Variants in PRSS53 observed in about 807,000 individuals in gnomAD.
PRSS53 encodes serine protease 53, also known as EDTP308.
PRSS53 carries 54 observed loss-of-function variants against 62.7 expected under a neutral mutation model. That is an observed-to-expected ratio of 0.86 (90% CI 0.69 to 1.08). The LOEUF (loss-of-function observed/expected upper bound fraction) is 1.08, where lower values mean the gene tolerates loss of function less well. Ranked by LOEUF, PRSS53 falls within the 50% of genes least tolerant of loss-of-function variation. PRSS53 has a pLI of 0.00. For synonymous variants in PRSS53, 273 were observed against 300.0 expected, an observed-to-expected ratio of 0.91 and a Z score of 0.93; for missense variants, 688 against 728.3, an observed-to-expected ratio of 0.94 and a Z score of 0.64.
At chr16:31,086,383 C>T (rs1286099426) in exon 5 of PRSS53, 3 of 1,614,026 alleles carry the variant, frequency 1.9e-6, no homozygotes, top group South Asian at 2.2e-5. Flanking sequence ...ACATAGCATC[C>T]CAGGCCGGGC....
intron 3 of PRSS53, 29 bp downstream of exon 3, chr16:31,087,508 G>A: frequency 6.3e-7 from 1 of 1,577,088 alleles, no homozygotes; most frequent in Non-Finnish European, 8.7e-7. Flanking sequence ...CAGAGCCGGA[G>A]ACCCTGCCTG....
chr16:31,086,007 C>T lies in PRSS53; in HGVS notation c.840G>A (p.Gln280=), dbSNP rs1200306582. 5 of 1,613,992 alleles carry T rather than the reference C, an allele frequency of 3.1e-6. No individual in the cohort carries two copies. The African/African-American group carries it at 5.3e-5, about 17-fold the overall frequency. Residue 280 remains glutamine (Q), a synonymous_variant, in exon 6 of 11, where the codon CAG becomes CAA. Transcript: ENST00000280606. The stretch of plus-strand genomic sequence containing the variant: ...CACTCATCTCCGGGGTCTCTGGGCT[C>T]TGGGCCAGGAAAGCTGCCCCCTGAA...
chr16:31,088,411 GAAAA>G, intron 1 of PRSS53: 1 of 1,195,792 alleles, frequency 8.4e-7, no homozygotes, highest in African/African-American at 1.6e-5. Flanking sequence ...GAGGATGGAT[GAAAA>G]GAAAGGGAAA....
At chr16:31,084,311 G>A (rs1197574419) in exon 10 of PRSS53, 1 of 1,612,740 alleles carries the variant, frequency 6.2e-7, no homozygotes, top group Non-Finnish European at 8.5e-7. Context: ...CTCACCTCAT[G>A]CACCAGTGGT....
At chr16:31,088,248 C>A in intron 1 of PRSS53, 2 of 1,133,728 alleles carry the variant, frequency 1.8e-6, no homozygotes, top group Non-Finnish European at 2.2e-6. Context: ...GGGAGGGCCC[C>A]AAGAAATGGA....
At chr16:31,087,024 T>G in intron 3 of PRSS53, 126 bp from the exon 4 acceptor site, 1 of 1,010,426 alleles carries the variant, frequency 9.9e-7, no homozygotes, top group Non-Finnish European at 1.4e-6. Flanking sequence ...TGAGGTAGGG[T>G]CTCGTCCTGT....
intron 10 of PRSS53, 92 bp from the exon 11 acceptor site, chr16:31,083,901 T>C: frequency 6.3e-7 from 1 of 1,584,508 alleles, no homozygotes; most frequent in Non-Finnish European, 8.6e-7. Context: ...AGGGTCTGTC[T>C]TGGCCGCCAT....
intron 6 of PRSS53, among the ~76,000 whole-genome samples, chr16:31,085,628 T>C (rs1158014563): frequency 1.3e-5 from 2 of 152,202 alleles, no homozygotes; most frequent in Admixed American, 1.3e-4. Context: ...GTCCCAGGAA[T>C]TACTTTGCAT....
At chr16:31,086,896 G>T in exon 4 of PRSS53, 1 of 1,587,888 alleles carries the variant, frequency 6.3e-7, no homozygotes, top group Non-Finnish European at 8.6e-7. Context: ...TGTTGCTGCT[G>T]CCCTGGAAGG....
chr16:31,087,957 C>G lies in PRSS53; in HGVS notation c.59-131G>C, dbSNP rs956714939. 3.2e-6 allele frequency: 5 copies of G among 1,544,378 alleles called. No homozygotes were observed. The African/African-American group carries it at 5.5e-5, about 17-fold the overall frequency. On this transcript the variant is annotated intron_variant, in intron 1 of 10. Transcript: ENST00000280606. ...CTCTGATTACCTTACCAGCCCCTCCCAGAATGAAAATATTTATATGAGGCC... is the reference window on the plus strand; with the variant it reads ...CTCTGATTACCTTACCAGCCCCTCCGAGAATGAAAATATTTATATGAGGCC...
chr16:31,087,873 C>T, intron 1 of PRSS53, 47 bp from the exon 2 acceptor site: 2 of 1,611,276 alleles, frequency 1.2e-6, no homozygotes, highest in Non-Finnish European at 1.7e-6. Flanking sequence ...CCAGGCCTGC[C>T]TAGCTTTGGG....
rs1233282826 is a variant in PRSS53, at chr16:31,087,001, G to A, written c.243-103C>T. The A allele has an allele frequency of 1.9e-5, 24 of 1,278,110 alleles. No homozygotes were observed. In the South Asian group the frequency reaches 3.1e-4, roughly 17 times the overall value. 79.2% of individuals were successfully genotyped at this position (1,278,110 alleles called of 1,614,324 possible). On this transcript the variant is annotated intron_variant, in intron 3 of 10. Transcript: ENST00000280606. ...TGGAAGATAGCAGAGAGCACTCCACGGCTTTTTCTTTTTGAGGTAGGGTCT... is the reference window on the plus strand; with the variant it reads ...TGGAAGATAGCAGAGAGCACTCCACAGCTTTTTCTTTTTGAGGTAGGGTCT...
chr16:31,084,791 C>T lies in PRSS53; in HGVS notation c.1268G>A (p.Arg423His), dbSNP rs376906210. Residue 423 changes from arginine to histidine, a missense_variant, in exon 8 of 11, where the codon CGC (arginine) becomes CAC (histidine). By Grantham distance (29) the Arg-to-His change is conservative (BLOSUM62 0). Coordinates refer to ENST00000280606, the Ensembl canonical transcript of PRSS53. Reference sequence around the variant, plus strand: ...CTGTGCCCACCTACCTGCTCCTGGGCGGGCCCGTCCCAGAACCCAGCCACG... The same window carrying T: ...CTGTGCCCACCTACCTGCTCCTGGGTGGGCCCGTCCCAGAACCCAGCCACG... The T allele has an allele frequency of 2.2e-5, 34 of 1,549,064 alleles. No homozygotes were observed. The Middle Eastern group carries it at 1.0e-3, about 47-fold the overall frequency.
chr16:31,083,524 T>C, exon 11 of PRSS53: 1 of 1,374,594 alleles, frequency 7.3e-7, no homozygotes, highest in South Asian at 1.9e-5. Context: ...GTGGCTGGCG[T>C]GATTGTATCT....
intron 4 of PRSS53, 33 bp downstream of exon 4, chr16:31,086,600 C>G (rs1280902747): frequency 6.5e-7 from 1 of 1,542,922 alleles, no homozygotes. Flanking sequence ...AAGCAGAGTG[C>G]CTCTCCGAGC....
intron 1 of PRSS53, 28 bp downstream of exon 1, chr16:31,088,724 A>G: frequency 6.2e-7 from 1 of 1,612,422 alleles, no homozygotes; most frequent in Non-Finnish European, 8.5e-7. Context: ...ACCAGGCCAC[A>G]CCCATACCCC....
chr16:31,085,003 C>G, exon 8 of PRSS53: 1 of 1,588,416 alleles, frequency 6.3e-7, no homozygotes, highest in Non-Finnish European at 8.6e-7. Context: ...GCCCTACGCT[C>G]CATTCCTCTG....
chr16:31,087,557 A>C, exon 3 of PRSS53: 1 of 1,613,438 alleles, frequency 6.2e-7, no homozygotes, highest in South Asian at 1.1e-5. Flanking sequence ...AGTGGGCAGC[A>C]GTGAGGACCC....
rs1288554990 is a variant in PRSS53, at chr16:31,086,301, C to T, written c.663+36G>A. The T allele has an allele frequency of 3.1e-6, 5 of 1,591,594 alleles. No homozygotes were observed. In the South Asian group the frequency reaches 5.6e-5, roughly 18 times the overall value. On this transcript the variant is annotated intron_variant, in intron 5 of 10. Transcript: ENST00000280606. ...CCAACCCCCAGCCCAGGGTTAGGCC[C>T]CTCCCCTTCTGCTCCTTCTCTTCTC...
Sources: gnomAD v4.1 joint callset for allele counts (sites outside exome capture counted in the v4.1 genomes callset) on GRCh38, gnomAD v4.1.1 for gene constraint, MANE v1.5 for transcripts, NCBI Gene and HGNC (gene_info 2026-07-23, HGNC 2026-07-21) for gene names.